TENM1: variants seen among roughly 807,000 people sequenced by gnomAD.
The protein encoded by TENM1 is teneurin transmembrane protein 1.
TENM1 carries 35 observed loss-of-function variants against 174.8 expected under a neutral mutation model. That is an observed-to-expected ratio of 0.20 (90% CI 0.15 to 0.27). The LOEUF (loss-of-function observed/expected upper bound fraction) is 0.27, where lower values mean the gene tolerates loss of function less well. Ranked by LOEUF, TENM1 falls within the 10% of genes least tolerant of loss-of-function variation. TENM1 has a pLI of 1.00. For missense variants in TENM1, 1,633 were observed against 2,130.1 expected (o/e 0.77, Z 4.59); for synonymous variants, 781 against 798.7 (o/e 0.98, Z 0.37).
chrX:125,087,571 T>G, the TENM1 span, among the ~76,000 whole-genome samples: 1 of 111,077 alleles, frequency 9.0e-6, no homozygotes. Context: ...TCAGCTTCTC[T>G]TAAGATAACT....
At chrX:124,721,882 C>T (rs1427666256) in intron 4 of TENM1, among the ~76,000 whole-genome samples, 3 of 112,221 alleles carry the variant, frequency 2.7e-5, no homozygotes, top group Non-Finnish European at 3.8e-5. Context: ...GCAAATTATG[C>T]GTGCATACTT....
At chrX:125,061,605 A>T in the TENM1 span, among the ~76,000 whole-genome samples, 1 of 111,791 alleles carries the variant, frequency 8.9e-6, no homozygotes, top group Non-Finnish European at 1.9e-5. Context: ...TGTGCAGAAG[A>T]GGAGGTGAAG....
the TENM1 span, among the ~76,000 whole-genome samples, chrX:124,990,329 C>T: frequency 8.9e-6 from 1 of 112,393 alleles, no homozygotes; most frequent in South Asian, 3.6e-4. Flanking sequence ...AAAACAATTT[C>T]AATTCAAATC....
intron 15 of TENM1, among the ~76,000 whole-genome samples, chrX:124,541,155 T>G (rs182578971): frequency 8.9e-6 from 1 of 112,462 alleles, no homozygotes; most frequent in Non-Finnish European, 1.9e-5. Flanking sequence ...AATTGGATTA[T>G]TTAAGGTCCT....
the TENM1 span, among the ~76,000 whole-genome samples, chrX:125,196,702 C>T: frequency 9.0e-6 from 1 of 111,656 alleles, no homozygotes; most frequent in African/African-American, 3.2e-5. Flanking sequence ...TATATTTAAA[C>T]ACAGGTGGTA....
At chrX:124,916,300 C>T (rs893287221) in intron 1 of TENM1, among the ~76,000 whole-genome samples, 1 of 111,235 alleles carries the variant, frequency 9.0e-6, no homozygotes, top group Non-Finnish European at 1.9e-5. Flanking sequence ...CCCTCCAAAA[C>T]TCATACTGAA....
At chrX:124,473,386 G>A (rs1375303791) in intron 22 of TENM1, among the ~76,000 whole-genome samples, 1 of 111,560 alleles carries the variant, frequency 9.0e-6, no homozygotes, top group East Asian at 2.8e-4. Flanking sequence ...GGGTGGTGAG[G>A]ACTCTTCTTT....
chrX:124,666,617 A>G (rs1480383925), intron 6 of TENM1, among the ~76,000 whole-genome samples: 3 of 111,549 alleles, frequency 2.7e-5, no homozygotes, highest in Non-Finnish European at 5.6e-5. Context: ...AGACTCACCT[A>G]TAATTCCACC....
intron 11 of TENM1, among the ~76,000 whole-genome samples, chrX:124,571,641 TA>T (rs2049055447): frequency 8.9e-6 from 1 of 111,914 alleles, no homozygotes. Flanking sequence ...CATTAAAGAT[TA>T]AAATTCAAAA....
At chrX:124,725,244 C>A (rs1160988510) in intron 4 of TENM1, among the ~76,000 whole-genome samples, 2 of 110,868 alleles carry the variant, frequency 1.8e-5, no homozygotes, top group Non-Finnish European at 3.8e-5. Flanking sequence ...AGGCTCTCTC[C>A]CCCTACTAGA....
chrX:124,687,256 T>C lies in TENM1; in HGVS notation c.1016-15421A>G, dbSNP rs1434162341. On this transcript the variant is annotated intron_variant, in intron 5 of 31. Coordinates refer to ENST00000422452, the Ensembl canonical transcript of TENM1. ...AGACATATAGACCAATGGAACAGAA[T>C]GGAGACCTCAGAAATAAGACCACAT... Among the ~76,000 whole-genome samples, 2 of 111,683 alleles carry C rather than the reference T, an allele frequency of 1.8e-5. 1 individual carries two copies. The highest frequency in any genetic ancestry group is 6.5e-5 in the African/African-American group (2 of 30,710).
At chrX:124,749,316 T>C (rs781035030) in intron 3 of TENM1, among the ~76,000 whole-genome samples, 5 of 111,930 alleles carry the variant, frequency 4.5e-5, no homozygotes, top group Non-Finnish European at 9.4e-5. Context: ...TTTTCCTCTA[T>C]ACTAAAATGA....
At chrX:124,505,626 G>A (rs963703076) in intron 18 of TENM1, among the ~76,000 whole-genome samples, 2 of 111,623 alleles carry the variant, frequency 1.8e-5, no homozygotes, top group Non-Finnish European at 3.8e-5. Context: ...CTGGAGTTGG[G>A]CTTTTCACTG....
chrX:124,754,016 G>T (rs1165231295), intron 3 of TENM1, among the ~76,000 whole-genome samples: 1 of 111,832 alleles, frequency 8.9e-6, no homozygotes, highest in Non-Finnish European at 1.9e-5. Context: ...ATGAGTTAGG[G>T]AGGATTCCCT....
the TENM1 span, among the ~76,000 whole-genome samples, chrX:125,158,186 C>T: frequency 9.1e-6 from 1 of 109,452 alleles, no homozygotes; most frequent in Non-Finnish European, 1.9e-5. Flanking sequence ...GGGCAGATCA[C>T]GAGGTCAAGA....
intron 19 of TENM1, among the ~76,000 whole-genome samples, chrX:124,503,201 A>T (rs1300821932): frequency 3.6e-5 from 4 of 111,614 alleles, no homozygotes; most frequent in Non-Finnish European, 7.5e-5. Context: ...ATGCAAGAGT[A>T]GGTGAAGGAA....
intron 1 of TENM1, among the ~76,000 whole-genome samples, chrX:124,919,443 T>C (rs1199411838): frequency 8.9e-6 from 1 of 112,007 alleles, no homozygotes; most frequent in Non-Finnish European, 1.9e-5. Context: ...CAAAAAGCAA[T>C]TCATAGAAAC....
chrX:124,966,010 A>G (rs1179115301), upstream of TENM1, among the ~76,000 whole-genome samples: 2 of 111,821 alleles, frequency 1.8e-5, no homozygotes, highest in Non-Finnish European at 3.8e-5. Context: ...TGCTCAGGCC[A>G]AAGAACTTGA....
At chrX:124,832,763 C>T (rs753434229) in intron 3 of TENM1, among the ~76,000 whole-genome samples, 3 of 111,324 alleles carry the variant, frequency 2.7e-5, no homozygotes, top group East Asian at 2.8e-4. Flanking sequence ...TTTGTAAAGA[C>T]GGGGTTTTGC....
Sources: gnomAD v4.1 joint callset for allele counts (sites outside exome capture counted in the v4.1 genomes callset) on GRCh38, gnomAD v4.1.1 for gene constraint, MANE v1.5 for transcripts, NCBI Gene and HGNC (gene_info 2026-07-23, HGNC 2026-07-21) for gene names.